Variants in CMIP observed in about 807,000 individuals in gnomAD.
CMIP encodes the protein c-Maf inducing protein, also known as C-Maf-inducing protein.
CMIP carries 13 observed loss-of-function variants against 97.3 expected under a neutral mutation model. The observed-to-expected ratio is 0.13, with a 90% CI of 0.09 to 0.21. The LOEUF is 0.21. Among genes scored for constraint, CMIP ranks in the 10% least tolerant of loss-of-function variants. The pLI is 1.00. For missense variants in CMIP, 847 were observed against 1,024.9 expected (o/e 0.83, Z 2.37); for synonymous variants, 538 against 436.3 (o/e 1.23, Z -2.91).
chr16:81,614,659 G>T lies in CMIP; in HGVS notation c.427-6217G>T, dbSNP rs953931685. ...CTGCGTGTGGGACTGTGGTGTGTGT[G>T]TATGTATGTCTGTATGGTTTATGTG... On this transcript the variant is annotated intron_variant, in intron 2 of 20. Coordinates refer to ENST00000537098, the MANE Select transcript of CMIP (RefSeq NM_198390.3). The surrounding 1 kb of genome is among the most constrained non-coding windows in gnomAD (Gnocchi z 5.3). 6.6e-6 allele frequency among the ~76,000 whole-genome samples: 1 copy of T among 151,772 alleles called. No individual in the cohort carries two copies. The highest frequency in any genetic ancestry group is 1.5e-5 in the Non-Finnish European group (1 of 67,972).
intron 1 of CMIP, among the ~76,000 whole-genome samples, chr16:81,587,011 G>A (rs923485677): frequency 1.3e-5 from 2 of 152,218 alleles, no homozygotes; most frequent in Admixed American, 1.3e-4. Context: ...TCCCAATTTA[G>A]AAAAGTAAAG....
rs1339418773 is a variant in CMIP, at chr16:81,710,418, C to A, written c.*619C>A. 1.3e-5 allele frequency: 2 copies of A among 152,660 alleles called. No homozygotes were observed. Among genetic ancestry groups the A allele is most frequent in the African/African-American group, 2.5e-5 (1 of 40,512 alleles). The allele number at this position is 152,660 out of a possible 1,614,324, so 9.5% of individuals were successfully genotyped here. A position where few individuals can be genotyped will look rare whatever the true frequency, so the allele number is the denominator to read the frequency against. On this transcript the variant is annotated 3_prime_UTR_variant, in exon 21 of 21. Coordinates refer to ENST00000537098, the MANE Select transcript of CMIP (RefSeq NM_198390.3). Reference sequence around the variant, plus strand: ...TGAAGTCTTTGACCGTCCCCCCCGCCCGACCCCACCGCCCTCCCGCCCCCA... The same window carrying A: ...TGAAGTCTTTGACCGTCCCCCCCGCACGACCCCACCGCCCTCCCGCCCCCA...
chr16:81,452,995 T>C (rs1906328489), intron 1 of CMIP, among the ~76,000 whole-genome samples: 1 of 151,140 alleles, frequency 6.6e-6, no homozygotes, highest in Admixed American at 6.6e-5. Flanking sequence ...CAGCAGAACT[T>C]TGAAAACGCA....
intron 5 of CMIP, among the ~76,000 whole-genome samples, chr16:81,658,706 T>C (rs2092512525): frequency 6.6e-6 from 1 of 152,160 alleles, no homozygotes; most frequent in Non-Finnish European, 1.5e-5. Context: ...GCATAAAGCA[T>C]AAGGAAATGA....
chr16:81,531,603 A>G (rs150796329), intron 1 of CMIP, among the ~76,000 whole-genome samples: 10 of 152,350 alleles, frequency 6.6e-5, no homozygotes, highest in African/African-American at 1.9e-4. Context: ...ACGTGCTCAC[A>G]TGGCTTGAGG....
intron 1 of CMIP, among the ~76,000 whole-genome samples, chr16:81,468,799 T>C (rs949418596): frequency 1.3e-5 from 2 of 152,100 alleles, no homozygotes; most frequent in Non-Finnish European, 2.9e-5. Flanking sequence ...AGGGAGGAGC[T>C]TTCTGGGCAG....
Position 81,703,978 on chromosome 16 carries a change from G to T in CMIP, c.1984G>T (p.Gly662Ter). 1 of 1,598,466 alleles carries T rather than the reference G, an allele frequency of 6.3e-7. No homozygotes were observed. Among genetic ancestry groups the T allele is most frequent in the East Asian group, 2.3e-5 (1 of 44,142 alleles). ...TCGTTTGCTGAGCTCCGGCTCCTTC[G>T]GAAACCTGGAGAACCTCAGTTTGGC... ...LARLLSSGSF[G>*]NLENLSLAFT... The change falls in exon 18 of 21, where the codon GGA (glycine) becomes TGA (stop). Residue 662 changes from glycine (G) to a stop codon, truncating the protein, a stop_gained. Coordinates refer to ENST00000537098, the MANE Select transcript of CMIP (RefSeq NM_198390.3). LOFTEE classifies it high-confidence loss of function.
At chr16:81,572,179 C>A (rs1166883756) in intron 1 of CMIP, among the ~76,000 whole-genome samples, 1 of 152,248 alleles carries the variant, frequency 6.6e-6, no homozygotes, top group Non-Finnish European at 1.5e-5. Context: ...TCTGAAGCAG[C>A]CATCTCTTTC....
chr16:81,571,224 A>G (rs1336271255), intron 1 of CMIP, among the ~76,000 whole-genome samples: 3 of 152,142 alleles, frequency 2.0e-5, no homozygotes, highest in South Asian at 2.1e-4. Flanking sequence ...CAATCCCAGC[A>G]TTTGGGAGGC....
chr16:81,588,668 C>T (rs776190980), intron 1 of CMIP, among the ~76,000 whole-genome samples: 4 of 152,294 alleles, frequency 2.6e-5, no homozygotes, highest in Non-Finnish European at 4.4e-5. Context: ...CATCACTTAA[C>T]ATCCTGTGTA....
intron 1 of CMIP, among the ~76,000 whole-genome samples, chr16:81,557,758 C>T (rs1028595373): frequency 7.2e-5 from 11 of 152,142 alleles, no homozygotes; most frequent in Non-Finnish European, 1.6e-4. Flanking sequence ...AGATCAAGAA[C>T]CTGTCTCAAA....
intron 6 of CMIP, among the ~76,000 whole-genome samples, chr16:81,663,204 G>C (rs949974870): frequency 6.6e-6 from 1 of 152,028 alleles, no homozygotes; most frequent in African/African-American, 2.4e-5. Context: ...TACAGCAGCT[G>C]TATTCATGAC....
chr16:81,621,037 G>A lies in CMIP; in HGVS notation c.477+111G>A. 7.2e-7 allele frequency: 1 copy of A among 1,379,444 alleles called. No homozygotes were observed. The highest frequency in any genetic ancestry group is 1.0e-6 in the Non-Finnish European group (1 of 995,488). The allele number at this position is 1,379,444 out of a possible 1,614,324, so 85.5% of individuals were successfully genotyped here. ...AGTGGAGAACTCATGCCTTCCAGAT[G>A]GCTCAGCTGAGGAACTTTGTTCCCC... is the stretch of plus-strand genomic sequence containing the variant. On this transcript the variant is annotated intron_variant, in intron 3 of 20. Transcript: ENST00000537098. The surrounding 1 kb of genome is among the most constrained non-coding windows in gnomAD (Gnocchi z 4.1).
At chr16:81,530,101 G>T (rs147457744) in intron 1 of CMIP, among the ~76,000 whole-genome samples, 3 of 152,170 alleles carry the variant, frequency 2.0e-5, no homozygotes, top group Non-Finnish European at 2.9e-5. Context: ...CAGTCAGGCC[G>T]CTATAAATTT....
intron 7 of CMIP, among the ~76,000 whole-genome samples, chr16:81,667,484 G>A (rs1219486440): frequency 6.6e-6 from 1 of 152,160 alleles, no homozygotes; most frequent in East Asian, 1.9e-4. Context: ...TTTTTCAGAG[G>A]CTGCTGGATC....
At chr16:81,455,458 C>T (rs997344716) in intron 1 of CMIP, among the ~76,000 whole-genome samples, 3 of 152,216 alleles carry the variant, frequency 2.0e-5, no homozygotes, top group African/African-American at 7.2e-5. Flanking sequence ...GAGAGGGACC[C>T]ACGGAGAGGG....
chr16:81,547,458 A>G (rs767306789), intron 1 of CMIP, among the ~76,000 whole-genome samples: 9 of 152,182 alleles, frequency 5.9e-5, no homozygotes, highest in Non-Finnish European at 1.2e-4. Flanking sequence ...CACGCTGAGC[A>G]GAGGGTCCCA....
At chr16:81,615,521 ATG>A (rs1216566740) in intron 2 of CMIP, among the ~76,000 whole-genome samples, 2 of 93,832 alleles carry the variant, frequency 2.1e-5, no homozygotes, top group East Asian at 7.2e-4. Context: ...GTGCAGGTGT[ATG>A]TGTTTTTGTG....
intron 10 of CMIP, among the ~76,000 whole-genome samples, chr16:81,681,774 A>G (rs1487160849): frequency 6.6e-6 from 1 of 152,070 alleles, no homozygotes; most frequent in African/African-American, 2.4e-5. Flanking sequence ...CTGCTGTGGA[A>G]CTGTGGCCAG....
Sources: gnomAD v4.1 joint callset for allele counts (sites outside exome capture counted in the v4.1 genomes callset) on GRCh38, gnomAD v4.1.1 for gene constraint, Gnocchi (gnomAD v3.1) non-coding constraint, MANE v1.5 for transcripts, NCBI Gene and HGNC (gene_info 2026-07-23, HGNC 2026-07-21) for gene names.